CNR1: variants seen among roughly 807,000 people sequenced by gnomAD.
CNR1 encodes cannabinoid receptor 1 (brain).
Under a neutral mutation model 23.0 loss-of-function variants are expected in CNR1, and 10 were observed. The ratio of observed to expected loss-of-function variants is 0.43; its 90% CI spans 0.27 to 0.74. CNR1 has a LOEUF of 0.74. CNR1 is among the 30% of genes least tolerant of loss of function. CNR1 has a pLI of 0.19. For missense variants in CNR1, 422 were observed against 618.8 expected (o/e 0.68, Z 3.37); for synonymous variants, 271 against 255.2 (o/e 1.06, Z -0.59).
At chr6:88,160,496 G>A (rs1778043043) in intron 1 of CNR1, among the ~76,000 whole-genome samples, 2 of 148,836 alleles carry the variant, frequency 1.3e-5, no homozygotes, top group Admixed American at 1.3e-4. Context: ...GTGCTGTGGA[G>A]TGATCTTGGC....
chr6:88,157,379 G>T (rs911824423), intron 1 of CNR1, among the ~76,000 whole-genome samples: 1 of 152,012 alleles, frequency 6.6e-6, no homozygotes, highest in African/African-American at 2.4e-5. Context: ...CATAGTTCTC[G>T]CTTTGGTTGA....
At chr6:88,166,618 G>GC (rs1156758759), upstream of CNR1, among the ~76,000 whole-genome samples, 1 of 152,082 alleles carries the variant, frequency 6.6e-6, no homozygotes, top group Non-Finnish European at 1.5e-5. Flanking sequence ...GCTCCCGGAG[G>GC]CCCCCGCTGC....
At position 88,140,935 on chromosome 6, in the gene CNR1, A is replaced by C. The variant is rs1314315252; in HGVS notation, c.*2921T>G. Reference sequence around the variant, plus strand: ...CTCTTGGAGGCAGCCCTACTTGTGCAAATGAAACATTCTAGGACTGATTCA... The same window carrying C: ...CTCTTGGAGGCAGCCCTACTTGTGCCAATGAAACATTCTAGGACTGATTCA... On this transcript the variant is annotated 3_prime_UTR_variant, in exon 2 of 2. Coordinates refer to ENST00000369501, the MANE Select transcript of CNR1 (RefSeq NM_016083.6). The C allele has an allele frequency of 2.0e-5, 3 of 152,032 alleles. No individual in the cohort carries two copies. The highest frequency in any genetic ancestry group is 4.4e-5 in the Non-Finnish European group (3 of 67,978). The allele number at this position is 152,032 out of a possible 1,614,324, so 9.4% of individuals were successfully genotyped here.
At chr6:88,155,932 A>G (rs531643727) in intron 1 of CNR1, among the ~76,000 whole-genome samples, 5 of 152,346 alleles carry the variant, frequency 3.3e-5, no homozygotes, top group African/African-American at 1.2e-4. Context: ...AGACACGAAT[A>G]GGGCACCTTC....
rs1167616926 is a variant in CNR1, at chr6:88,166,245, C to A, written c.-506G>T. 6.6e-6 allele frequency: 1 copy of A among 152,206 alleles called. No homozygotes were observed. Among genetic ancestry groups the A allele is most frequent in the Admixed American group, 6.5e-5 (1 of 15,268 alleles). The allele number at this position is 152,206 out of a possible 1,614,324, so 9.4% of individuals were successfully genotyped here. On this transcript the variant is annotated 5_prime_UTR_variant, in exon 1 of 2. Coordinates refer to ENST00000369501, the MANE Select transcript of CNR1 (RefSeq NM_016083.6). ...TCTTCACTGGGTCCTCCCGCGAGCC[C>A]CGCCTGGCCCGGCGTGGGGCCGCCC...
chr6:88,167,156 C>T (rs1039524190), upstream of CNR1, among the ~76,000 whole-genome samples: 2 of 152,078 alleles, frequency 1.3e-5, no homozygotes, highest in African/African-American at 2.4e-5. Flanking sequence ...CGGCGCGCCC[C>T]CTCCCCGGCC....
chr6:88,146,714 A>G (rs181511427), intron 1 of CNR1, among the ~76,000 whole-genome samples: 1 of 152,352 alleles, frequency 6.6e-6, no homozygotes, highest in African/African-American at 2.4e-5. Flanking sequence ...AGTGATATCT[A>G]TAACAATTAA....
chr6:88,164,569 C>T (rs1251746812), intron 1 of CNR1, among the ~76,000 whole-genome samples: 1 of 151,710 alleles, frequency 6.6e-6, no homozygotes, highest in Non-Finnish European at 1.5e-5. Flanking sequence ...AGTTAGAGAG[C>T]GGGGGAGGGG....
Position 88,143,956 on chromosome 6 carries a change from G to A in CNR1, c.1319C>T (p.Ala440Val). 6.2e-7 allele frequency: 1 copy of A among 1,614,114 alleles called. No homozygotes were observed. The highest frequency in any genetic ancestry group is 1.1e-5 in the South Asian group (1 of 91,068). ...GCTTTCTGCGGCCCTGTGAACACTG[G>A]CTGCATTGTTTGCGTGTTTGTGCAG... ...DCLHKHANNA[A>V]SVHRAAESCI... The change falls in exon 2 of 2, where the codon GCC (alanine) becomes GTC (valine). Residue 440 changes from alanine to valine, a missense_variant. Around this residue, in one of 4 missense-constraint regions of CNR1, gnomAD observed 79 missense variants for 98.0 expected, o/e 0.81. Coordinates refer to ENST00000369501, the MANE Select transcript of CNR1 (RefSeq NM_016083.6).
At chr6:88,160,870 T>C (rs1473757341) in intron 1 of CNR1, among the ~76,000 whole-genome samples, 1 of 152,192 alleles carries the variant, frequency 6.6e-6, no homozygotes. Flanking sequence ...AAAGAATGAA[T>C]AAAGAAATGG....
intron 1 of CNR1, among the ~76,000 whole-genome samples, chr6:88,146,095 T>C (rs766451448): frequency 1.2e-4 from 18 of 152,064 alleles, no homozygotes; most frequent in Admixed American, 7.2e-4. Flanking sequence ...AGACAGAGTT[T>C]TTTTTTTCTT....
intron 1 of CNR1, among the ~76,000 whole-genome samples, chr6:88,149,807 C>T (rs1489338135): frequency 6.6e-6 from 1 of 152,224 alleles, no homozygotes; most frequent in Non-Finnish European, 1.5e-5. Context: ...CCCAGCACAT[C>T]CCTCTATTAC....
intron 1 of CNR1, among the ~76,000 whole-genome samples, chr6:88,159,713 A>G (rs1777986739): frequency 6.6e-6 from 1 of 152,222 alleles, no homozygotes; most frequent in Non-Finnish European, 1.5e-5. Flanking sequence ...GTTATATGTT[A>G]AATTGTCTAG....
At chr6:88,160,522 T>TC (rs1249934096) in intron 1 of CNR1, among the ~76,000 whole-genome samples, 8 of 150,992 alleles carry the variant, frequency 5.3e-5, no homozygotes. Flanking sequence ...GCAACCTCTG[T>TC]CCCCTGGGTG....
At chr6:88,159,172 G>A (rs1777956122) in intron 1 of CNR1, among the ~76,000 whole-genome samples, 1 of 152,084 alleles carries the variant, frequency 6.6e-6, no homozygotes, top group Non-Finnish European at 1.5e-5. Context: ...TGATTATTGA[G>A]CATAACAAGA....
chr6:88,152,964 T>C (rs1777606593), intron 1 of CNR1, among the ~76,000 whole-genome samples: 1 of 152,208 alleles, frequency 6.6e-6, no homozygotes, highest in Non-Finnish European at 1.5e-5. Context: ...TTGGTTTTTA[T>C]TACAGTTATA....
rs1776741930 is a variant in CNR1 at position 88,140,388 on chromosome 6, A to G, written c.*3468T>C. The G allele has an allele frequency of 6.5e-6, 1 of 152,776 alleles. No homozygotes were observed. Among genetic ancestry groups the G allele is most frequent in the African/African-American group, 2.4e-5 (1 of 41,456 alleles). 9.5% of individuals were successfully genotyped at this position (152,776 alleles called of 1,614,324 possible). Reference sequence around the variant, plus strand: ...TGTAAAGAAACTCTCCCATCCGAAAATTACTGATTTGTAGGCCACTGCTCA... The same window carrying G: ...TGTAAAGAAACTCTCCCATCCGAAAGTTACTGATTTGTAGGCCACTGCTCA... On this transcript the variant is annotated 3_prime_UTR_variant, in exon 2 of 2. Transcript: ENST00000369501.
Position 88,144,969 on chromosome 6 carries a change from G to T in CNR1, c.306C>A (p.Phe102Leu). 1 of 1,614,168 alleles carries T rather than the reference G, an allele frequency of 6.2e-7. No homozygotes were observed. The change falls in exon 2 of 2, where the codon TTC (phenylalanine) becomes TTA (leucine). Residue 102 changes from phenylalanine to leucine, a missense_variant. Coordinates refer to ENST00000369501, the MANE Select transcript of CNR1 (RefSeq NM_016083.6). This position sits in a 1 kb window ranked among gnomAD's most constrained non-coding sequence, Gnocchi z 7.8. Reference protein sequence around the residue: ...NEENIQCGENFMDIECFMVLN... With the variant: ...NEENIQCGENLMDIECFMVLN... ...GGACCATGAAACACTCTATGTCCAT[G>T]AAGTTCTCCCCACACTGGATGTTCT...
At chr6:88,146,116 T>A (rs9450896) in intron 1 of CNR1, among the ~76,000 whole-genome samples, 8 of 152,128 alleles carry the variant, frequency 5.3e-5, no homozygotes, top group African/African-American at 1.7e-4. Context: ...TCTTTCTTTC[T>A]TTCTTTTTGA....
Sources: gnomAD v4.1 joint callset for allele counts (sites outside exome capture counted in the v4.1 genomes callset) on GRCh38, gnomAD v4.1.1 for gene constraint, gnomAD v4.1.1 regional missense constraint, Gnocchi (gnomAD v3.1) non-coding constraint, MANE v1.5 for transcripts, NCBI Gene and HGNC (gene_info 2026-07-23, HGNC 2026-07-21) for gene names.